The following ME1 variants were observed in gnomAD, a reference collection of about 807,000 sequenced individuals.
ME1 encodes the protein NADP-dependent malic enzyme.
A neutral mutation model predicts 66.4 loss-of-function variants in ME1; 74 were observed. The observed-to-expected ratio is 1.11, with a 90% CI of 0.92 to 1.35. ME1 has a LOEUF of 1.35. Among genes scored for constraint, ME1 ranks in the 40% most tolerant of loss-of-function variants. The probability of loss-of-function intolerance (pLI) is 0.00; values close to 1 mark genes in which losing one functional copy is unlikely to be tolerated. For missense variants in ME1, 750 were observed against 694.1 expected, an observed-to-expected ratio of 1.08 and a Z score of -0.90; for synonymous variants, 251 against 235.6, an observed-to-expected ratio of 1.07 and a Z score of -0.60.
At position 83,346,307 on chromosome 6, in the gene ME1, T is replaced by C. The variant is rs374166701; in HGVS notation, c.466A>G (p.Ile156Val). The C allele has an allele frequency of 2.5e-6, 4 of 1,611,510 alleles. No individual in the cohort carries two copies. The highest frequency in any genetic ancestry group is 3.4e-6 in the Non-Finnish European group (4 of 1,178,538). The part of the protein sequence containing the change: ...KAIVVTDGER[I>V]LGLGDLGCNG... Reference sequence around the variant, plus strand: ...CAGCCAAGGTCTCCCAAGCCAAGAATACGCTCTCCATCAGTCACCACAATG... The same window carrying C: ...CAGCCAAGGTCTCCCAAGCCAAGAACACGCTCTCCATCAGTCACCACAATG... Residue 156 changes from isoleucine to valine, a missense_variant, in exon 5 of 14, where the codon ATT (isoleucine) becomes GTT (valine). Coordinates refer to ENST00000369705, the MANE Select transcript of ME1 (RefSeq NM_002395.6).
chr6:83,355,627 C>T lies in ME1; in HGVS notation c.363-3488G>A, dbSNP rs966050764. Among the ~76,000 whole-genome samples, 7 of 151,980 alleles carry T rather than the reference C, an allele frequency of 4.6e-5. No homozygotes were observed. The East Asian group carries it at 1.2e-3, about 25-fold the overall frequency. Reference sequence around the variant, plus strand: ...AACGTCCCACCAAAACCAAGCATTTCGGGAGGGCTATTTGAGTTATTTGCA... The same window carrying T: ...AACGTCCCACCAAAACCAAGCATTTTGGGAGGGCTATTTGAGTTATTTGCA... On this transcript the variant is annotated intron_variant, in intron 3 of 13. Transcript: ENST00000369705.
intron 2 of ME1, among the ~76,000 whole-genome samples, chr6:83,405,642 T>C (rs773394960): frequency 9.9e-5 from 15 of 152,064 alleles, no homozygotes; most frequent in Non-Finnish European, 1.9e-4. Flanking sequence ...GCTGTGGGTT[T>C]GTCATAAACA....
chr6:83,363,365 T>C (rs150028686), intron 3 of ME1, among the ~76,000 whole-genome samples: 1 of 152,270 alleles, frequency 6.6e-6, no homozygotes, highest in African/African-American at 2.4e-5. Flanking sequence ...GCTGGGATGA[T>C]TGACCTGGAC....
intron 3 of ME1, among the ~76,000 whole-genome samples, chr6:83,359,087 G>A (rs1269819936): frequency 6.6e-6 from 1 of 151,762 alleles, no homozygotes; most frequent in African/African-American, 2.4e-5. Context: ...CAGATGGGGT[G>A]GCTGGGCAGA....
chr6:83,421,471 A>C (rs1251310794), intron 1 of ME1, among the ~76,000 whole-genome samples: 2 of 152,230 alleles, frequency 1.3e-5, no homozygotes, highest in East Asian at 3.8e-4. Flanking sequence ...CTTGTATAGA[A>C]TGCGTTGAGC....
In ME1 at chr6:83,343,249, G is replaced by A. The variant is rs533976277; in HGVS notation, c.600+2924C>T. Among the ~76,000 whole-genome samples, 6 of 152,090 alleles carry A rather than the reference G, an allele frequency of 3.9e-5. No homozygotes were observed. In the East Asian group the frequency reaches 9.7e-4, roughly 25 times the overall value. Reference sequence around the variant, plus strand: ...TCCATGAGATCAACTTTTTTAGCCCGGGTGTGAGAACATGGGATATTTGTC... The same window carrying A: ...TCCATGAGATCAACTTTTTTAGCCCAGGTGTGAGAACATGGGATATTTGTC... On this transcript the variant is annotated intron_variant, in intron 5 of 13. Transcript: ENST00000369705.
chr6:83,212,446 G>A (rs1350996994), intron 13 of ME1, among the ~76,000 whole-genome samples: 1 of 152,110 alleles, frequency 6.6e-6, no homozygotes, highest in African/African-American at 2.4e-5. Context: ...TGCTAAACTT[G>A]AACCTTGAAT....
intron 3 of ME1, chr6:83,392,971 G>A (rs1444850187): frequency 1.2e-6 from 1 of 847,812 alleles, no homozygotes; most frequent in Non-Finnish European, 2.0e-6. Context: ...ACTATGGATG[G>A]CTCCTATGGG....
At chr6:83,319,630 A>C in intron 5 of ME1, among the ~76,000 whole-genome samples, 1 of 152,212 alleles carries the variant, frequency 6.6e-6, no homozygotes, top group Non-Finnish European at 1.5e-5. Flanking sequence ...ATCATTTCTT[A>C]TGAAAGAGGA....
rs559046528 is a variant in ME1 at position 83,319,218 on chromosome 6, G to C, written c.601-3805C>G. Among the ~76,000 whole-genome samples, 983 of 151,346 alleles carry C rather than the reference G, an allele frequency of 6.5e-3. 11 individuals are homozygous for C. Among genetic ancestry groups the C allele is most frequent in the African/African-American group, 0.023 (932 of 41,204 alleles). On this transcript the variant is annotated intron_variant, in intron 5 of 13. Transcript: ENST00000369705. Reference sequence around the variant, plus strand: ...ACCTAATGCTAGATGACGAGTTAGTGGGTGCAGCGCACCAGCATGGCACAT... The same window carrying C: ...ACCTAATGCTAGATGACGAGTTAGTCGGTGCAGCGCACCAGCATGGCACAT...
At chr6:83,345,060 C>T (rs7768456) in intron 5 of ME1, among the ~76,000 whole-genome samples, 38,528 of 151,764 alleles carry the variant, frequency 0.25, 5,572 homozygotes, top group Middle Eastern at 0.46. Flanking sequence ...TCCAATTGCG[C>T]GATCATGGCT....
intron 2 of ME1, among the ~76,000 whole-genome samples, chr6:83,405,178 T>C (rs532887610): frequency 1.3e-5 from 2 of 152,348 alleles, no homozygotes; most frequent in Non-Finnish European, 2.9e-5. Flanking sequence ...CTCTCTTATT[T>C]CCTTGAGCAA....
intron 3 of ME1, among the ~76,000 whole-genome samples, chr6:83,368,373 A>G (rs1036695502): frequency 5.1e-5 from 7 of 138,492 alleles, no homozygotes; most frequent in Admixed American, 1.6e-4. Context: ...TCAATTTATA[A>G]AAAACAAAAA....
intron 1 of ME1, among the ~76,000 whole-genome samples, chr6:83,408,333 T>C (rs903535288): frequency 6.6e-6 from 1 of 152,238 alleles, no homozygotes; most frequent in African/African-American, 2.4e-5. Context: ...ATGCCTTATA[T>C]GATTCTGAGT....
intron 6 of ME1, among the ~76,000 whole-genome samples, chr6:83,268,336 C>A (rs763468422): frequency 5.3e-5 from 8 of 151,938 alleles, no homozygotes; most frequent in African/African-American, 7.3e-5. Flanking sequence ...TTTTTCTGTG[C>A]CTTGCTTTCT....
chr6:83,259,915 T>C (rs1238739998), intron 6 of ME1, among the ~76,000 whole-genome samples: 1 of 152,168 alleles, frequency 6.6e-6, no homozygotes, highest in Non-Finnish European at 1.5e-5. Flanking sequence ...CCCTCAAGTT[T>C]CTTGTCTTCT....
rs547920152 is a variant in ME1, at chr6:83,311,416, G to A, written c.704+3894C>T. ...TCCCAGAAGATGGTGCAAACTCATT[G>A]CTAGGATGGTTCCTAGAAACATGGA... is the stretch of plus-strand genomic sequence containing the variant. On this transcript the variant is annotated intron_variant, in intron 6 of 13. Transcript: ENST00000369705. Among the ~76,000 whole-genome samples the A allele has an allele frequency of 2.0e-5, 3 of 152,272 alleles. No homozygotes were observed. The East Asian group carries it at 5.8e-4, about 29-fold the overall frequency.
chr6:83,384,978 T>C (rs1238115836), intron 3 of ME1, among the ~76,000 whole-genome samples: 1 of 151,874 alleles, frequency 6.6e-6, no homozygotes, highest in Non-Finnish European at 1.5e-5. Context: ...AGTTCTACAT[T>C]CTGAGGCTAT....
intron 5 of ME1, among the ~76,000 whole-genome samples, chr6:83,342,519 C>A (rs1768606851): frequency 6.6e-6 from 1 of 152,140 alleles, no homozygotes; most frequent in Non-Finnish European, 1.5e-5. Flanking sequence ...ATTACCTAGG[C>A]TTTGCTTAGG....
Sources: gnomAD v4.1 joint callset for allele counts (sites outside exome capture counted in the v4.1 genomes callset) on GRCh38, gnomAD v4.1.1 for gene constraint, MANE v1.5 for transcripts, NCBI Gene and HGNC (gene_info 2026-07-23, HGNC 2026-07-21) for gene names.